The following ZCCHC7 variants were observed in gnomAD, a reference collection of about 807,000 sequenced individuals.
The protein encoded by ZCCHC7 is zinc finger CCHC-type containing 7.
Under a neutral mutation model 52.0 loss-of-function variants are expected in ZCCHC7, and 35 were observed. The observed-to-expected ratio is 0.67, with a 90% CI of 0.51 to 0.89. The LOEUF (loss-of-function observed/expected upper bound fraction) is 0.89, where lower values mean the gene tolerates loss of function less well. ZCCHC7 is among the 40% of genes least tolerant of loss of function. The pLI is 0.00. For missense variants in ZCCHC7, 574 were observed against 649.1 expected (o/e 0.88, Z 1.26); for synonymous variants, 217 against 221.5 (o/e 0.98, Z 0.18).
chr9:37,141,864 T>C (rs1564138220), intron 2 of ZCCHC7, among the ~76,000 whole-genome samples: 1 of 151,862 alleles, frequency 6.6e-6, no homozygotes, highest in African/African-American at 2.4e-5. Context: ...TTGCATACTT[T>C]CAAATGTGAG....
intron 2 of ZCCHC7, among the ~76,000 whole-genome samples, chr9:37,193,551 G>A (rs946628138): frequency 1.3e-5 from 2 of 151,784 alleles, no homozygotes; most frequent in African/African-American, 4.8e-5. Flanking sequence ...TCCAAGGGAT[G>A]TAAGTTGCCT....
At chr9:37,310,523 A>G (rs1325240263) in intron 5 of ZCCHC7, among the ~76,000 whole-genome samples, 1 of 152,142 alleles carries the variant, frequency 6.6e-6, no homozygotes, top group Non-Finnish European at 1.5e-5. Flanking sequence ...AAGTGTAGGT[A>G]CTATTTATTA....
chr9:37,336,963 T>C, intron 6 of ZCCHC7, among the ~76,000 whole-genome samples: 1 of 152,188 alleles, frequency 6.6e-6, no homozygotes, highest in Admixed American at 6.5e-5. Flanking sequence ...CTGTCACCGA[T>C]CCCGCATGCT....
intron 5 of ZCCHC7, among the ~76,000 whole-genome samples, chr9:37,325,224 A>C (rs1830194959): frequency 6.6e-6 from 1 of 152,258 alleles, no homozygotes; most frequent in Admixed American, 6.5e-5. Context: ...AAACAGATGT[A>C]CAAGTACACT....
rs528982551 is a variant in ZCCHC7 at position 37,151,877 on chromosome 9, T to C, written c.610+24935T>C. On this transcript the variant is annotated intron_variant, in intron 2 of 8. Transcript: ENST00000336755. ...CTTTTTTGAGCTCTGAATGTAAACT[T>C]AGATCCTGTGGGTTGTTTCTTAGTA... Among the ~76,000 whole-genome samples the C allele has an allele frequency of 2.6e-5, 4 of 152,326 alleles. No homozygotes were observed. In the South Asian group the frequency reaches 8.3e-4, roughly 32 times the overall value.
At chr9:37,344,699 G>A (rs1335560617) in intron 6 of ZCCHC7, among the ~76,000 whole-genome samples, 1 of 152,058 alleles carries the variant, frequency 6.6e-6, no homozygotes, top group African/African-American at 2.4e-5. Flanking sequence ...TTAATTGTTT[G>A]CATACTATTT....
chr9:37,351,943 A>G (rs77546139), intron 7 of ZCCHC7, among the ~76,000 whole-genome samples: 2 of 152,220 alleles, frequency 1.3e-5, no homozygotes, highest in Admixed American at 1.3e-4. Context: ...TTTACAATAA[A>G]GCAAATTTGG....
chr9:37,242,449 A>G (rs1196104399), intron 2 of ZCCHC7, among the ~76,000 whole-genome samples: 2 of 151,808 alleles, frequency 1.3e-5, no homozygotes, highest in East Asian at 1.9e-4. Flanking sequence ...TTCCCATGAT[A>G]CTTGGGATGG....
Position 37,126,732 on chromosome 9 carries a change from A to G in ZCCHC7, c.400A>G (p.Lys134Glu), listed in dbSNP as rs1444639877. Residue 134 changes from lysine (K) to glutamate (E), a missense_variant, in exon 2 of 9, where the codon AAG becomes GAG. This residue lies in a region of ZCCHC7 where 403 missense variants were observed against 461.2 expected (regional missense o/e 0.87). Coordinates refer to ENST00000336755, the MANE Select transcript of ZCCHC7 (RefSeq NM_032226.3). ...TAATGAGCTGGTTGATAAGAAATGC[A>G]AGAGTGATATTGAGAAGCCTAAATC... ...QSNELVDKKCKSDIEKPKSEE... is the reference protein window; with the variant it reads ...QSNELVDKKCESDIEKPKSEE... The G allele has an allele frequency of 1.2e-6, 2 of 1,614,178 alleles. No homozygotes were observed. Among genetic ancestry groups the G allele is most frequent in the Admixed American group, 1.7e-5 (1 of 60,036 alleles).
At position 37,267,004 on chromosome 9, in the gene ZCCHC7, T is replaced by C. The variant is rs375862465; in HGVS notation, c.611-35184T>C. Among the ~76,000 whole-genome samples the C allele has an allele frequency of 2.6e-4, 39 of 152,242 alleles. No homozygotes were observed. The East Asian group carries it at 5.6e-3, about 22-fold the overall frequency. On this transcript the variant is annotated intron_variant, in intron 2 of 8. Transcript: ENST00000336755. Reference sequence around the variant, plus strand: ...TTTTCTGTATAAATGGTCAAAAAAATGTTATATTGAGAGAGAGAGAGGTAT... The same window carrying C: ...TTTTCTGTATAAATGGTCAAAAAAACGTTATATTGAGAGAGAGAGAGGTAT...
intron 2 of ZCCHC7, among the ~76,000 whole-genome samples, chr9:37,236,653 C>A (rs990449853): frequency 4.6e-5 from 7 of 152,058 alleles, no homozygotes; most frequent in African/African-American, 1.7e-4. Flanking sequence ...CTCAGCCTCC[C>A]AAAGTGCTGG....
chr9:37,314,818 A>G lies in ZCCHC7; in HGVS notation c.951+9104A>G, dbSNP rs535276725. 4.6e-5 allele frequency among the ~76,000 whole-genome samples: 7 copies of G among 152,110 alleles called. No individual in the cohort carries two copies. The South Asian group carries it at 1.5e-3, about 32-fold the overall frequency. The stretch of plus-strand genomic sequence containing the variant: ...GATTGGGTTTTGAAAATCTCCCTCA[A>G]ATTACACAGCAGTGAAGCAATGTAC... On this transcript the variant is annotated intron_variant, in intron 5 of 8. Coordinates refer to ENST00000336755, the MANE Select transcript of ZCCHC7 (RefSeq NM_032226.3).
intron 2 of ZCCHC7, among the ~76,000 whole-genome samples, chr9:37,249,719 G>A (rs956653934): frequency 1.3e-5 from 2 of 151,972 alleles, no homozygotes; most frequent in African/African-American, 4.8e-5. Flanking sequence ...AAAATGCTGG[G>A]ATTACAGGCA....
intron 6 of ZCCHC7, among the ~76,000 whole-genome samples, chr9:37,334,844 T>G (rs1334089812): frequency 6.6e-6 from 1 of 152,110 alleles, no homozygotes; most frequent in Non-Finnish European, 1.5e-5. Flanking sequence ...GGGATTAAAT[T>G]AGAACTTCAC....
chr9:37,354,677 A>T lies in ZCCHC7; in HGVS notation c.1084-33A>T. On this transcript the variant is annotated intron_variant, in intron 7 of 8. Coordinates refer to ENST00000336755, the MANE Select transcript of ZCCHC7 (RefSeq NM_032226.3). The surrounding 1 kb of genome is among the most constrained non-coding windows in gnomAD (Gnocchi z 4.0). The stretch of plus-strand genomic sequence containing the variant: ...AAAAAGGTTTTTGAACAGTGTGACC[A>T]TGTGACATCATAATTTTACATACAA... 6.7e-7 allele frequency: 1 copy of T among 1,502,310 alleles called. No homozygotes were observed. The highest frequency in any genetic ancestry group is 2.3e-5 in the East Asian group (1 of 44,342). The allele number at this position is 1,502,310 out of a possible 1,614,324, so 93.1% of individuals were successfully genotyped here.
At chr9:37,218,497 G>T (rs889086019) in intron 2 of ZCCHC7, among the ~76,000 whole-genome samples, 1 of 152,120 alleles carries the variant, frequency 6.6e-6, no homozygotes, top group Admixed American at 6.5e-5. Context: ...AAAACTTAGG[G>T]GTTTAAATGC....
intron 2 of ZCCHC7, among the ~76,000 whole-genome samples, chr9:37,212,429 T>C (rs923656167): frequency 1.3e-5 from 2 of 152,220 alleles, no homozygotes; most frequent in Non-Finnish European, 2.9e-5. Flanking sequence ...TAAAGACTTT[T>C]TCTACTTTAG....
At chr9:37,209,810 A>AT (rs1824117143) in intron 2 of ZCCHC7, among the ~76,000 whole-genome samples, 1 of 152,164 alleles carries the variant, frequency 6.6e-6, no homozygotes, top group Non-Finnish European at 1.5e-5. Context: ...TCTGGAGAGA[A>AT]TAAGTTACTG....
intron 2 of ZCCHC7, among the ~76,000 whole-genome samples, chr9:37,225,960 A>G (rs1289638677): frequency 6.6e-6 from 1 of 152,248 alleles, no homozygotes; most frequent in Non-Finnish European, 1.5e-5. Flanking sequence ...CAATAAGGCA[A>G]TAAAAAGAAG....
Sources: allele counts gnomAD v4.1 joint callset (sites outside exome capture counted in the v4.1 genomes callset), GRCh38; gene constraint gnomAD v4.1.1; regional missense constraint gnomAD v4.1.1; non-coding constraint Gnocchi (gnomAD v3.1); transcripts MANE v1.5; gene names NCBI Gene and HGNC (gene_info 2026-07-23, HGNC 2026-07-21).